Variants in ZFYVE26 observed in about 807,000 individuals in gnomAD.
ZFYVE26 encodes zinc finger FYVE domain-containing protein 26.
In ZFYVE26, 181 loss-of-function variants were observed where a neutral mutation model predicts 276.5. The observed-to-expected ratio is 0.65, with a 90% CI of 0.58 to 0.74. ZFYVE26 has a LOEUF of 0.74. Ranked by LOEUF, ZFYVE26 falls within the 30% of genes least tolerant of loss-of-function variation. The pLI is 0.00. For synonymous variants in ZFYVE26, 1,129 were observed against 1,203.1 expected, an observed-to-expected ratio of 0.94 and a Z score of 1.27; for missense variants, 2,821 against 3,097.9, an observed-to-expected ratio of 0.91 and a Z score of 2.12.
intron 30 of ZFYVE26, 48 bp downstream of exon 30, chr14:67,768,469 A>T (rs767041261): frequency 6.2e-7 from 1 of 1,601,528 alleles, no homozygotes; most frequent in South Asian, 1.1e-5. Context: ...GATAGAGTCA[A>T]CTTAAGTACA....
At chr14:67,792,545 T>A (rs1180582568) in intron 14 of ZFYVE26, among the ~76,000 whole-genome samples, 2 of 152,222 alleles carry the variant, frequency 1.3e-5, no homozygotes, top group East Asian at 3.8e-4. Flanking sequence ...ATTCCAGTGC[T>A]ATTTTCTCTC....
intron 35 of ZFYVE26, among the ~76,000 whole-genome samples, chr14:67,759,735 A>G (rs1335260678): frequency 6.6e-6 from 1 of 152,082 alleles, no homozygotes; most frequent in African/African-American, 2.4e-5. Flanking sequence ...AGAAATAAGG[A>G]GGCCTGATCC....
In ZFYVE26 at chr14:67,775,245, G is replaced by T. The variant is rs185348711; in HGVS notation, c.5222-131C>A. On this transcript the variant is annotated intron_variant, in intron 26 of 41. Transcript: ENST00000347230. ...TCCATGACTCTACTAGGTATTAAGA[G>T]AATGGAGGAGGTACCTCTAAGCCCA... 701 of 625,692 alleles carry T rather than the reference G, an allele frequency of 1.1e-3. 6 individuals carry two copies. In the African/African-American group the frequency reaches 0.012, roughly 10 times the overall value. The allele number at this position is 625,692 out of a possible 1,614,324, so 38.8% of individuals were successfully genotyped here.
intron 28 of ZFYVE26, chr14:67,769,934 T>C (rs978432127): frequency 3.8e-5 from 25 of 661,984 alleles, no homozygotes; most frequent in Non-Finnish European, 5.4e-5. Context: ...TGGGCAAAGG[T>C]GCGAAGTCAT....
At chr14:67,770,532 C>A (rs1376083651) in intron 28 of ZFYVE26, 1 of 150,210 alleles carries the variant, frequency 6.7e-6, no homozygotes, top group African/African-American at 2.4e-5. Context: ...CACACAAATT[C>A]TTAATTTGTA....
intron 35 of ZFYVE26, 130 bp downstream of exon 35, chr14:67,761,236 C>T: frequency 1.2e-6 from 1 of 867,482 alleles, no homozygotes; most frequent in African/African-American, 1.7e-5. Flanking sequence ...TGACTTGACT[C>T]TGCTAGAGAT....
At chr14:67,780,196 C>T (rs1166885760) in intron 23 of ZFYVE26, 45 bp downstream of exon 23, 1 of 1,555,516 alleles carries the variant, frequency 6.4e-7, no homozygotes, top group Non-Finnish European at 8.8e-7. Context: ...GGGGTTGTAA[C>T]TCTGAAAGGA....
In ZFYVE26 at chr14:67,729,354, G is replaced by A. The variant is rs1406114680; in HGVS notation, n.3145C>T. 3 of 1,598,032 alleles carry A rather than the reference G, an allele frequency of 1.9e-6. No individual in the cohort carries two copies. In the East Asian group the frequency reaches 6.7e-5, roughly 36 times the overall value. ...TGCACTGCGCCCTGGCTGAGGGCCT[G>A]GAGCCCCTGAGTGGCAAGTACTTCA... On this transcript the variant is annotated non_coding_transcript_exon_variant, in exon 14 of 15. Coordinates refer to the ZFYVE26 transcript ENST00000394455.
intron 20 of ZFYVE26, 141 bp downstream of exon 20, chr14:67,784,193 G>A: frequency 1.3e-6 from 1 of 767,364 alleles, no homozygotes; most frequent in Non-Finnish European, 2.3e-6. Context: ...TAAATTTTCA[G>A]TTATATAAGA....
chr14:67,753,943 T>G, intron 38 of ZFYVE26, 128 bp downstream of exon 38: 1 of 1,539,356 alleles, frequency 6.5e-7, no homozygotes, highest in Non-Finnish European at 9.0e-7. Flanking sequence ...CAGTCTTTGG[T>G]GGCTCATATT....
At chr14:67,815,695 C>T in intron 2 of ZFYVE26, 75 bp downstream of exon 2, 2 of 1,451,542 alleles carry the variant, frequency 1.4e-6, no homozygotes, top group East Asian at 2.3e-5. Flanking sequence ...AGTGGGGGCA[C>T]ATTGACCAAT....
intron 12 of ZFYVE26, chr14:67,796,559 G>A (rs1050673778): frequency 6.6e-6 from 1 of 152,054 alleles, no homozygotes; most frequent in African/African-American, 2.4e-5. Flanking sequence ...TGTTTGAGGT[G>A]ATAGATATTA....
intron 3 of ZFYVE26, among the ~76,000 whole-genome samples, chr14:67,811,895 AT>A (rs2040310003): frequency 6.7e-6 from 1 of 148,474 alleles, no homozygotes; most frequent in East Asian, 1.9e-4. Flanking sequence ...TATAAAATAT[AT>A]GATATATAAC....
At position 67,747,040 on chromosome 14, in the gene ZFYVE26, ACT is replaced by A. The variant is rs1488245465; in HGVS notation, c.*1394_*1395del. Reference sequence around the variant, plus strand: ...CACAGGGTTTCTGAGCACCAGAGACACTGACTTCAGCTTCCAGTTTCTGTTTG... The same window carrying A: ...CACAGGGTTTCTGAGCACCAGAGACAGACTTCAGCTTCCAGTTTCTGTTTG... On this transcript the variant is annotated 3_prime_UTR_variant, in exon 42 of 42. Coordinates refer to ENST00000347230, the MANE Select transcript of ZFYVE26 (RefSeq NM_015346.4). 1 of 152,648 alleles carries A rather than the reference ACT, an allele frequency of 6.6e-6. No homozygotes were observed. The highest frequency in any genetic ancestry group is 2.4e-5 in the African/African-American group (1 of 41,466). 9.5% of individuals were successfully genotyped at this position (152,648 alleles called of 1,614,324 possible). A position where few individuals can be genotyped will look rare whatever the true frequency, so the allele number is the denominator to read the frequency against.
At chr14:67,787,553 C>T (rs1439405727) in intron 16 of ZFYVE26, among the ~76,000 whole-genome samples, 1 of 151,992 alleles carries the variant, frequency 6.6e-6, no homozygotes, top group Non-Finnish European at 1.5e-5. Flanking sequence ...GCATTGTGTG[C>T]CTGTACCAAA....
At position 67,772,097 on chromosome 14, in the gene ZFYVE26, C is replaced by T. The variant is rs2140207374; in HGVS notation, c.5434G>A (p.Asp1812Asn). Residue 1812 changes from aspartate (D) to asparagine (N), a missense_variant, in exon 28 of 42, where the codon GAT becomes AAT. Asp to Asn is a conservative substitution (Grantham distance 23). Transcript: ENST00000347230. ...ACCATGCAGATACTCTCAGTCTCATCCGGTACCCACTGGTGCCTGGCAGGG... is the reference window on the plus strand; with the variant it reads ...ACCATGCAGATACTCTCAGTCTCATTCGGTACCCACTGGTGCCTGGCAGGG... ...TPPARHQWVP[D>N]ETESICMVCC... 1 of 1,612,496 alleles carries T rather than the reference C, an allele frequency of 6.2e-7. No individual in the cohort carries two copies. Among genetic ancestry groups the T allele is most frequent in the Non-Finnish European group, 8.5e-7 (1 of 1,179,580 alleles).
At chr14:67,755,408 G>C (rs2038752576) in intron 36 of ZFYVE26, among the ~76,000 whole-genome samples, 158 bp from the exon 37 acceptor site, 1 of 152,136 alleles carries the variant, frequency 6.6e-6, no homozygotes, top group Non-Finnish European at 1.5e-5. Context: ...TCACCCCCAA[G>C]GTCCAAGAGA....
At chr14:67,736,647 A>C (rs565945772) in intron 13 of ZFYVE26, among the ~76,000 whole-genome samples, 1 of 152,376 alleles carries the variant, frequency 6.6e-6, no homozygotes, top group African/African-American at 2.4e-5. Context: ...TCCAAAAAGC[A>C]TACCTCAAAC....
At chr14:67,784,303 C>T in intron 20 of ZFYVE26, 31 bp downstream of exon 20, 1 of 1,580,298 alleles carries the variant, frequency 6.3e-7, no homozygotes, top group Non-Finnish European at 8.7e-7. Context: ...TCCGAAGGCC[C>T]ATGGCTGACT....
Sources: gnomAD v4.1 joint callset for allele counts (sites outside exome capture counted in the v4.1 genomes callset) on GRCh38, gnomAD v4.1.1 for gene constraint, MANE v1.5 for transcripts, NCBI Gene and HGNC (gene_info 2026-07-23, HGNC 2026-07-21) for gene names.